ZFHX3: variants seen among roughly 807,000 people sequenced by gnomAD.
ZFHX3 encodes zinc finger homeobox protein 3.
A neutral mutation model predicts 279.1 loss-of-function variants in ZFHX3; 42 were observed. The ratio of observed to expected loss-of-function variants is 0.15; its 90% CI spans 0.12 to 0.19. The LOEUF (loss-of-function observed/expected upper bound fraction) is 0.19. ZFHX3 is among the 10% of genes least tolerant of loss of function. The pLI, the probability that ZFHX3 is intolerant of heterozygous loss-of-function variation, is 1.00. For synonymous variants in ZFHX3, 2,293 were observed against 1,957.8 expected (o/e 1.17, Z -4.52); for missense variants, 4,981 against 4,754.0 (o/e 1.05, Z -1.40).
chr16:73,624,924 G>A (rs1288733535), intron 2 of ZFHX3, among the ~76,000 whole-genome samples: 1 of 152,198 alleles, frequency 6.6e-6, no homozygotes, highest in Admixed American at 6.5e-5. Flanking sequence ...CTATAGTAAT[G>A]AACGCTAATG....
rs535991924 is a variant in ZFHX3 at position 73,487,762 on chromosome 16, T to A, written c.-1546-31504A>T. On this transcript the variant is annotated intron_variant, in intron 2 of 17. Transcript: ENST00000641206. ...TCTGGGCTTGGCTTTGTGAGTTGTT[T>A]TGGCTGATGGGACTTTAGCAAATGT... 2.5e-5 allele frequency: 4 copies of A among 161,778 alleles called. No individual in the cohort carries two copies. The East Asian group carries it at 7.5e-4, about 30-fold the overall frequency. The allele number at this position is 161,778 out of a possible 1,614,324, so 10.0% of individuals were successfully genotyped here.
chr16:72,860,525 G>A (rs1487295773), intron 4 of ZFHX3, among the ~76,000 whole-genome samples: 2 of 152,126 alleles, frequency 1.3e-5, no homozygotes, highest in Admixed American at 6.5e-5. Context: ...CTCCCTCCTG[G>A]GTTCAAGTGA....
intron 3 of ZFHX3, among the ~76,000 whole-genome samples, chr16:72,936,197 A>G (rs1035804481): frequency 6.6e-6 from 1 of 152,188 alleles, no homozygotes; most frequent in African/African-American, 2.4e-5. Context: ...ACACCAACAT[A>G]TGCCTTAGGG....
chr16:72,812,036 A>G lies in ZFHX3; in HGVS notation c.3532T>C (p.Ser1178Pro). The stretch of plus-strand genomic sequence containing the variant: ...AGCTCCTTCTCTGCTTGGCTGGACG[A>G]TGCTAAAAGAGAAAGTAGAAGATGC... ...ELAKDQEGGA[S>P]SSQAEKELTD... Residue 1178 changes from serine to proline, a missense_variant and splice_region_variant, in exon 6 of 10, where the codon TCG becomes CCG. This residue lies in a region of ZFHX3 where 1,751 missense variants were observed against 1,770.0 expected (regional missense o/e 0.99). Transcript: ENST00000268489. 4 of 1,614,006 alleles carry G rather than the reference A, an allele frequency of 2.5e-6. No homozygotes were observed. Among genetic ancestry groups the G allele is most frequent in the Non-Finnish European group, 3.4e-6 (4 of 1,179,964 alleles).
At chr16:73,265,310 G>A (rs1054897417) in intron 4 of ZFHX3, among the ~76,000 whole-genome samples, 30 of 152,254 alleles carry the variant, frequency 2.0e-4, no homozygotes, top group African/African-American at 6.7e-4. Context: ...CAGTCATGAG[G>A]AGGAGCCATG....
intron 2 of ZFHX3, among the ~76,000 whole-genome samples, chr16:73,514,346 G>C (rs1043156867): frequency 1.3e-5 from 2 of 152,192 alleles, no homozygotes; most frequent in Non-Finnish European, 2.9e-5. Context: ...TAATGCTGCT[G>C]CTGCTACTAT....
At chr16:73,592,732 A>C (rs913178925) in intron 2 of ZFHX3, among the ~76,000 whole-genome samples, 2 of 112,658 alleles carry the variant, frequency 1.8e-5, no homozygotes, top group Non-Finnish European at 4.3e-5. Flanking sequence ...AATTTTTCAT[A>C]ATAAAAAGGT....
intron 1 of ZFHX3, among the ~76,000 whole-genome samples, chr16:73,798,253 C>T (rs1415962303): frequency 6.6e-6 from 1 of 151,924 alleles, no homozygotes; most frequent in East Asian, 1.9e-4. Context: ...ATGGTCTCTG[C>T]TGGCATCAGA....
chr16:73,773,887 C>A (rs138189317), intron 1 of ZFHX3, among the ~76,000 whole-genome samples: 2,318 of 152,194 alleles, frequency 0.015, 28 homozygotes, highest in Non-Finnish European at 0.025. Flanking sequence ...CCTGTAAACC[C>A]AGCAATTTGG....
At chr16:73,256,123 C>T (rs781118060) in intron 5 of ZFHX3, among the ~76,000 whole-genome samples, 2 of 152,164 alleles carry the variant, frequency 1.3e-5, no homozygotes, top group African/African-American at 2.4e-5. Context: ...GCTCGAACAT[C>T]GTCTAGGAGG....
intron 2 of ZFHX3, among the ~76,000 whole-genome samples, chr16:73,536,125 T>A (rs1369809601): frequency 6.6e-6 from 1 of 152,216 alleles, no homozygotes; most frequent in African/African-American, 2.4e-5. Context: ...CTTAGTTGAT[T>A]GGGGTTGGCT....
At chr16:72,881,267 C>T (rs7404563) in intron 4 of ZFHX3, among the ~76,000 whole-genome samples, 148,108 of 152,290 alleles carry the variant, frequency 0.97, 72,396 homozygotes, top group Middle Eastern at 1. Context: ...TTAGCATTAA[C>T]AGAGAATTTT....
At chr16:73,623,191 C>T (rs765214478) in intron 2 of ZFHX3, among the ~76,000 whole-genome samples, 5 of 152,076 alleles carry the variant, frequency 3.3e-5, no homozygotes, top group Admixed American at 3.3e-4. Context: ...CGCCCGCCAC[C>T]GCACCCGGCT....
chr16:73,563,912 G>T (rs112655620), intron 2 of ZFHX3, among the ~76,000 whole-genome samples: 1,551 of 152,238 alleles, frequency 0.01, 28 homozygotes, highest in African/African-American at 0.036. Flanking sequence ...ATAGCATCTT[G>T]GATGAAGACT....
intron 3 of ZFHX3, among the ~76,000 whole-genome samples, chr16:72,923,452 A>G (rs1308601028): frequency 2.2e-4 from 23 of 103,610 alleles, no homozygotes; most frequent in Non-Finnish European, 4.7e-4. Flanking sequence ...TCAGACCAGA[A>G]AAAAAAAAAA....
chr16:73,531,604 A>G (rs2019803828), intron 2 of ZFHX3, among the ~76,000 whole-genome samples: 1 of 150,078 alleles, frequency 6.7e-6, no homozygotes, highest in Non-Finnish European at 1.5e-5. Flanking sequence ...TGTCCCAGCT[A>G]CTCAGGAGGC....
chr16:73,246,866 T>C (rs2013296302), intron 5 of ZFHX3, among the ~76,000 whole-genome samples: 1 of 152,234 alleles, frequency 6.6e-6, no homozygotes, highest in Non-Finnish European at 1.5e-5. Flanking sequence ...GTAGAAGTTT[T>C]GTAAAGTAAT....
At chr16:73,066,827 C>T (rs1286980052) in intron 8 of ZFHX3, among the ~76,000 whole-genome samples, 1 of 152,204 alleles carries the variant, frequency 6.6e-6, no homozygotes, top group African/African-American at 2.4e-5. Flanking sequence ...CCGCCGTTCT[C>T]GCCGGGCTGC....
At chr16:73,866,972 C>A (rs964967283) in intron 1 of ZFHX3, among the ~76,000 whole-genome samples, 6 of 152,080 alleles carry the variant, frequency 3.9e-5, no homozygotes, top group African/African-American at 1.4e-4. Context: ...TTGGGATTGC[C>A]CCTGAGGGCA....
Sources: allele counts gnomAD v4.1 joint callset (sites outside exome capture counted in the v4.1 genomes callset), GRCh38; gene constraint gnomAD v4.1.1; regional missense constraint gnomAD v4.1.1; transcripts MANE v1.5; gene names NCBI Gene and HGNC (gene_info 2026-07-23, HGNC 2026-07-21).